Variants in SLC2A13 observed in about 807,000 individuals in gnomAD.
SLC2A13 encodes solute carrier family 2 member 13.
In SLC2A13, 32 loss-of-function variants were observed where a neutral mutation model predicts 64.4. That is an observed-to-expected ratio of 0.50 (90% CI 0.37 to 0.67). The LOEUF is 0.67. SLC2A13 is among the 30% of genes least tolerant of loss of function. The probability of loss-of-function intolerance (pLI) is 0.00; values close to 1 mark genes in which losing one functional copy is unlikely to be tolerated. For missense variants in SLC2A13, 743 were observed against 829.2 expected, an observed-to-expected ratio of 0.90 and a Z score of 1.28; for synonymous variants, 338 against 327.1, an observed-to-expected ratio of 1.03 and a Z score of -0.36.
At chr12:40,094,940 A>G (rs1350622168) in intron 1 of SLC2A13, among the ~76,000 whole-genome samples, 1 of 152,226 alleles carries the variant, frequency 6.6e-6, no homozygotes, top group African/African-American at 2.4e-5. Context: ...CATCTGTGCA[A>G]GGCCCAGGCA....
intron 3 of SLC2A13, among the ~76,000 whole-genome samples, chr12:39,966,824 A>G (rs1946525929): frequency 6.6e-6 from 1 of 151,966 alleles, no homozygotes; most frequent in Admixed American, 6.6e-5. Context: ...ATCTAACCTT[A>G]TTTTCCTTGG....
chr12:40,062,705 G>T (rs1948442947), intron 1 of SLC2A13, among the ~76,000 whole-genome samples: 1 of 151,992 alleles, frequency 6.6e-6, no homozygotes, highest in Admixed American at 6.6e-5. Context: ...AAAAATTAAA[G>T]GGTTTACTAT....
intron 3 of SLC2A13, among the ~76,000 whole-genome samples, chr12:39,966,645 C>A (rs1946521889): frequency 6.6e-6 from 1 of 152,144 alleles, no homozygotes. Flanking sequence ...ATGCCAAGCA[C>A]TCCTATTGAT....
intron 3 of SLC2A13, among the ~76,000 whole-genome samples, chr12:39,961,545 C>T (rs1201945175): frequency 2.0e-5 from 3 of 152,186 alleles, no homozygotes; most frequent in Non-Finnish European, 2.9e-5. Context: ...GTGCCCCAGA[C>T]TAGAGTGCAC....
intron 3 of SLC2A13, among the ~76,000 whole-genome samples, chr12:40,015,410 A>G (rs1039789422): frequency 5.3e-5 from 8 of 152,198 alleles, no homozygotes; most frequent in Admixed American, 5.2e-4. Context: ...TCCTGTTAAT[A>G]ATTAGGTCTC....
rs186482365 is a variant in SLC2A13 at position 39,998,987 on chromosome 12, C to T, written c.925+29314G>A. Among the ~76,000 whole-genome samples, 13 of 152,150 alleles carry T rather than the reference C, an allele frequency of 8.5e-5. No individual in the cohort carries two copies. The East Asian group carries it at 1.5e-3, about 18-fold the overall frequency. On this transcript the variant is annotated intron_variant, in intron 3 of 9. Transcript: ENST00000280871. ...AAGTGTTGCAGGAAGTTAGGGACCC[C>T]GAATGGAGGGACCAGCTGGAGCCGC... is the stretch of plus-strand genomic sequence containing the variant.
intron 1 of SLC2A13, among the ~76,000 whole-genome samples, chr12:40,092,123 G>C (rs1307375210): frequency 3.3e-5 from 5 of 152,184 alleles, no homozygotes; most frequent in Admixed American, 3.3e-4. Context: ...AATAAGGTCT[G>C]TCTGGGGTGG....
chr12:40,022,476 T>C (rs918274430), intron 3 of SLC2A13, among the ~76,000 whole-genome samples: 1 of 152,242 alleles, frequency 6.6e-6, no homozygotes, highest in Non-Finnish European at 1.5e-5. Flanking sequence ...CTGGCTGGCA[T>C]TCTTCTGTTT....
intron 6 of SLC2A13, among the ~76,000 whole-genome samples, chr12:39,847,350 A>G (rs1182740521): frequency 6.6e-6 from 1 of 151,826 alleles, no homozygotes; most frequent in Non-Finnish European, 1.5e-5. Context: ...TTGTGGCTCC[A>G]CCTCCCTCCT....
chr12:39,810,883 GT>G (rs1942137418), intron 7 of SLC2A13, among the ~76,000 whole-genome samples: 1 of 152,034 alleles, frequency 6.6e-6, no homozygotes, highest in African/African-American at 2.4e-5. Flanking sequence ...TTCATCTATA[GT>G]TTTTCTTTCT....
intron 6 of SLC2A13, among the ~76,000 whole-genome samples, chr12:39,854,492 C>A (rs1943553406): frequency 6.6e-6 from 1 of 152,134 alleles, no homozygotes; most frequent in South Asian, 2.1e-4. Flanking sequence ...TTCCCTCATA[C>A]TTTGCCTTTA....
At chr12:39,856,884 C>T (rs1173442111) in intron 6 of SLC2A13, among the ~76,000 whole-genome samples, 1 of 152,078 alleles carries the variant, frequency 6.6e-6, no homozygotes, top group Non-Finnish European at 1.5e-5. Context: ...TTTTAGGGGC[C>T]TTGTTTCATA....
rs28370805 is a variant in SLC2A13 at position 39,974,764 on chromosome 12, T to C, written c.926-23399A>G. 6.6e-4 allele frequency among the ~76,000 whole-genome samples: 100 copies of C among 152,324 alleles called. 1 individual carries two copies. Among genetic ancestry groups the C allele is most frequent in the East Asian group, 6.2e-3 (32 of 5,188 alleles). Reference sequence around the variant, plus strand: ...CTGAATACCATTGCCTGTAAACTAATTGAGAAGTTTTACACTGTGAATTTT... The same window carrying C: ...CTGAATACCATTGCCTGTAAACTAACTGAGAAGTTTTACACTGTGAATTTT... On this transcript the variant is annotated intron_variant, in intron 3 of 9. Coordinates refer to ENST00000280871, the MANE Select transcript of SLC2A13 (RefSeq NM_052885.4).
rs1367313347 is a variant in SLC2A13 at position 39,901,937 on chromosome 12, C to T, written c.1035-29976G>A. Among the ~76,000 whole-genome samples the T allele has an allele frequency of 1.2e-4, 19 of 152,186 alleles. No homozygotes were observed. In the East Asian group the frequency reaches 3.7e-3, roughly 29 times the overall value. On this transcript the variant is annotated intron_variant, in intron 4 of 9. Coordinates refer to ENST00000280871, the MANE Select transcript of SLC2A13 (RefSeq NM_052885.4). ...ATTCCCAATAGCAAAGACTTGGAAC[C>T]AACCAAAATGTCCATCAATGATAGA...
chr12:39,979,354 T>G (rs1400206757), intron 3 of SLC2A13, among the ~76,000 whole-genome samples: 10 of 148,964 alleles, frequency 6.7e-5, no homozygotes, highest in Non-Finnish European at 1.5e-4. Context: ...AGAAGAAGGC[T>G]TCAGACGATC....
At chr12:39,806,701 A>G (rs1305798752) in intron 7 of SLC2A13, among the ~76,000 whole-genome samples, 1 of 152,216 alleles carries the variant, frequency 6.6e-6, no homozygotes, top group African/African-American at 2.4e-5. Context: ...ATATCTTATT[A>G]TTTGAGAATT....
intron 3 of SLC2A13, among the ~76,000 whole-genome samples, chr12:40,027,969 G>A (rs1163283726): frequency 6.6e-6 from 1 of 151,960 alleles, no homozygotes; most frequent in African/African-American, 2.4e-5. Context: ...ATGGAAAGAG[G>A]GAAACACAAA....
chr12:39,809,468 T>C (rs1313584564), intron 7 of SLC2A13, among the ~76,000 whole-genome samples: 1 of 152,154 alleles, frequency 6.6e-6, no homozygotes, highest in Admixed American at 6.5e-5. Flanking sequence ...ATTACTTGAG[T>C]TGATCTAGAG....
At chr12:40,079,001 G>A (rs1031412500) in intron 1 of SLC2A13, among the ~76,000 whole-genome samples, 1 of 152,002 alleles carries the variant, frequency 6.6e-6, no homozygotes, top group Non-Finnish European at 1.5e-5. Context: ...TGTCATCTCT[G>A]TGTTTATTAG....
Sources: allele counts gnomAD v4.1 joint callset (sites outside exome capture counted in the v4.1 genomes callset), GRCh38; gene constraint gnomAD v4.1.1; transcripts MANE v1.5; gene names NCBI Gene and HGNC (gene_info 2026-07-23, HGNC 2026-07-21).